The following DCAF6 variants were observed in gnomAD, a reference collection of about 807,000 sequenced individuals.
The protein encoded by DCAF6 is DDB1 and CUL4 associated factor 6.
DCAF6 carries 54 observed loss-of-function variants against 125.1 expected under a neutral mutation model. The ratio of observed to expected loss-of-function variants is 0.43; its 90% CI spans 0.35 to 0.54. The LOEUF (loss-of-function observed/expected upper bound fraction) is 0.54, where lower values mean the gene tolerates loss of function less well. Among genes scored for constraint, DCAF6 ranks in the 20% least tolerant of loss-of-function variants. DCAF6 has a pLI of 0.01. For synonymous variants in DCAF6, 371 were observed against 390.4 expected, an observed-to-expected ratio of 0.95 and a Z score of 0.58; for missense variants, 934 against 1,161.7, an observed-to-expected ratio of 0.80 and a Z score of 2.85.
At chr1:168,020,053 G>T (rs73026187) in intron 11 of DCAF6, 3,024 of 152,454 alleles carry the variant, frequency 0.02, 64 homozygotes, top group African/African-American at 0.051. Context: ...ATACGCTCCA[G>T]ATGTTTCAGA....
chr1:167,899,867 T>C, the DCAF6 span, among the ~76,000 whole-genome samples: 1 of 152,234 alleles, frequency 6.6e-6, no homozygotes, highest in African/African-American at 2.4e-5. Context: ...TAACATTATC[T>C]CACTACATGG....
chr1:167,934,132 C>T (rs1670990987), upstream of DCAF6, among the ~76,000 whole-genome samples: 1 of 152,160 alleles, frequency 6.6e-6, no homozygotes, highest in Non-Finnish European at 1.5e-5. Context: ...AATGCACATC[C>T]TGCAAGTGAA....
intron 10 of DCAF6, among the ~76,000 whole-genome samples, chr1:168,010,983 G>A (rs565110450): frequency 1.3e-5 from 2 of 152,080 alleles, no homozygotes; most frequent in South Asian, 4.1e-4. Flanking sequence ...AGAGAAGCTG[G>A]TAACTTTGAA....
At chr1:168,008,894 C>CCCCT (rs976642204) in intron 10 of DCAF6, among the ~76,000 whole-genome samples, 7 of 133,664 alleles carry the variant, frequency 5.2e-5, no homozygotes, top group South Asian at 2.9e-4. Flanking sequence ...CCTCCCCTCC[C>CCCCT]CCCTCCCTCC....
chr1:167,938,270 GTT>G (rs1671654749), intron 1 of DCAF6, among the ~76,000 whole-genome samples: 1 of 117,348 alleles, frequency 8.5e-6, no homozygotes, highest in African/African-American at 4.7e-5. Context: ...GTGTGTGTGT[GTT>G]TGTGTGTGTA....
chr1:168,031,983 AC>A (rs1302148590), intron 12 of DCAF6, among the ~76,000 whole-genome samples: 1 of 151,728 alleles, frequency 6.6e-6, no homozygotes, highest in Non-Finnish European at 1.5e-5. Context: ...GGAATGTGGA[AC>A]CAAGCACAGT....
Position 168,007,962 on chromosome 1 carries a change from CTTTTTTTTTTT to C in DCAF6, c.1378+3186_1378+3196del, listed in dbSNP as rs35185748. On this transcript the variant is annotated intron_variant, in intron 10 of 21. Coordinates refer to ENST00000367840, the MANE Select transcript of DCAF6 (RefSeq NM_001198956.2). ...GTATGTTTTTGTTATTGTTGTACAT[CTTTTTTTTTTT>C]TTTTTTTTTTTTTTTTAAAGACAGT... Among the ~76,000 whole-genome samples, 19 of 67,478 alleles carry C rather than the reference CTTTTTTTTTTT, an allele frequency of 2.8e-4. No homozygotes were observed. In the South Asian group the frequency reaches 6.4e-3, roughly 23 times the overall value. 44.3% of individuals were successfully genotyped at this position (67,478 alleles called of 152,430 possible).
chr1:167,906,196 C>T, the DCAF6 span, among the ~76,000 whole-genome samples: 5 of 151,722 alleles, frequency 3.3e-5, no homozygotes, highest in African/African-American at 9.7e-5. Flanking sequence ...AATATTTGTA[C>T]ATTTAACAGA....
chr1:168,016,782 T>A (rs115991365), intron 11 of DCAF6, among the ~76,000 whole-genome samples: 1,719 of 152,186 alleles, frequency 0.011, 38 homozygotes, highest in African/African-American at 0.039. Flanking sequence ...GTAGGTATAA[T>A]AAGTTATTTA....
chr1:167,964,876 T>A (rs1245808536), intron 2 of DCAF6, among the ~76,000 whole-genome samples: 1 of 152,228 alleles, frequency 6.6e-6, no homozygotes, highest in Admixed American at 6.5e-5. Context: ...TGTTTTTGAT[T>A]GCTACCATTT....
chr1:168,035,249 C>T (rs1687644532), intron 12 of DCAF6, among the ~76,000 whole-genome samples: 1 of 152,170 alleles, frequency 6.6e-6, no homozygotes, highest in Non-Finnish European at 1.5e-5. Context: ...AGTTAAAGAC[C>T]AGCCTGGGCA....
intron 10 of DCAF6, among the ~76,000 whole-genome samples, chr1:168,005,580 AT>A: frequency 6.6e-6 from 1 of 152,244 alleles, no homozygotes; most frequent in Middle Eastern, 3.4e-3. Context: ...CTAAGGAAGA[AT>A]TTTACTCAAT....
chr1:168,046,464 G>A (rs184356648), intron 16 of DCAF6, among the ~76,000 whole-genome samples: 7 of 152,080 alleles, frequency 4.6e-5, no homozygotes, highest in African/African-American at 1.7e-4. Context: ...ACTATGAAAG[G>A]GTATGTTTCT....
chr1:167,945,461 G>A (rs1672922852), intron 1 of DCAF6, among the ~76,000 whole-genome samples: 1 of 152,012 alleles, frequency 6.6e-6, no homozygotes, highest in African/African-American at 2.4e-5. Flanking sequence ...TAGTTTGTGT[G>A]TGTGTGTATG....
chr1:168,062,997 C>T (rs1227866324), intron 17 of DCAF6, among the ~76,000 whole-genome samples: 8 of 151,138 alleles, frequency 5.3e-5, no homozygotes, highest in Admixed American at 2.6e-4. Context: ...CTGCAAGCTC[C>T]GCCTCCCGGG....
chr1:168,001,030 G>A (rs1682537792), intron 7 of DCAF6, among the ~76,000 whole-genome samples: 1 of 152,170 alleles, frequency 6.6e-6, no homozygotes, highest in African/African-American at 2.4e-5. Flanking sequence ...ATCAGATGTG[G>A]TGGCTCATGC....
chr1:167,883,441 T>A, the DCAF6 span: 6 of 1,614,208 alleles, frequency 3.7e-6, no homozygotes, highest in Non-Finnish European at 4.2e-6. Context: ...ACTTACCTTG[T>A]CAAACATGAA....
the DCAF6 span, among the ~76,000 whole-genome samples, chr1:167,891,602 G>A: frequency 1.3e-5 from 2 of 149,156 alleles, no homozygotes; most frequent in Admixed American, 6.7e-5. Flanking sequence ...CTTGCAGTGA[G>A]CCAAGATTGC....
chr1:167,908,020 A>G, the DCAF6 span, among the ~76,000 whole-genome samples: 16 of 152,346 alleles, frequency 1.1e-4, no homozygotes, highest in African/African-American at 3.8e-4. Flanking sequence ...CTAAAAAATT[A>G]AAAATAGAAC....
Sources: allele counts gnomAD v4.1 joint callset (sites outside exome capture counted in the v4.1 genomes callset), GRCh38; gene constraint gnomAD v4.1.1; transcripts MANE v1.5; gene names NCBI Gene and HGNC (gene_info 2026-07-23, HGNC 2026-07-21).